The following KSR2 variants were observed in gnomAD, a reference collection of about 807,000 sequenced individuals.
The protein encoded by KSR2 is kinase suppressor of ras 2.
A neutral mutation model predicts 107.8 loss-of-function variants in KSR2; 25 were observed. The ratio of observed to expected loss-of-function variants is 0.23; its 90% CI spans 0.17 to 0.32. The LOEUF is 0.32. KSR2 is among the 10% of genes least tolerant of loss of function. KSR2 has a pLI of 1.00. For missense variants in KSR2, 887 were observed against 1,268.9 expected (o/e 0.70, Z 4.57); for synonymous variants, 480 against 507.0 (o/e 0.95, Z 0.71).
At chr12:117,965,660 T>C (rs1260774421) in intron 1 of KSR2, among the ~76,000 whole-genome samples, 1 of 152,224 alleles carries the variant, frequency 6.6e-6, no homozygotes, top group African/African-American at 2.4e-5. Flanking sequence ...AGCTGAAATA[T>C]CACATCTTTC....
intron 1 of KSR2, among the ~76,000 whole-genome samples, chr12:117,930,929 C>CAAAT (rs908560559): frequency 1.3e-5 from 2 of 152,036 alleles, no homozygotes; most frequent in African/African-American, 2.4e-5. Flanking sequence ...AACAAACAAA[C>CAAAT]AAATAAATAA....
chr12:117,826,024 G>T (rs494773), intron 3 of KSR2, among the ~76,000 whole-genome samples: 99,667 of 149,862 alleles, frequency 0.67, 33,910 homozygotes, highest in African/African-American at 0.8. Flanking sequence ...GATGCATGGA[G>T]GGATGGATGG....
chr12:117,957,378 T>A lies in KSR2; in HGVS notation c.180+10698A>T, dbSNP rs578241809. 1.2e-4 allele frequency among the ~76,000 whole-genome samples: 19 copies of A among 152,318 alleles called. 1 individual carries two copies. In the South Asian group the frequency reaches 3.7e-3, roughly 30 times the overall value. ...GAAGCCCTGCTGAAGAAAATCGTTC[T>A]ATTTTTTTACTTTCTTCTCCTATTT... On this transcript the variant is annotated intron_variant, in intron 1 of 19. Transcript: ENST00000339824.
At chr12:117,937,911 G>T (rs1895894283) in intron 1 of KSR2, among the ~76,000 whole-genome samples, 1 of 147,434 alleles carries the variant, frequency 6.8e-6, no homozygotes, top group Non-Finnish European at 1.5e-5. Context: ...AGAGGTTGCA[G>T]TGAGCCAAGA....
rs919170483 is a variant in KSR2, at chr12:117,453,418, CT to C, written c.*13780del. 6.6e-6 allele frequency: 1 copy of C among 152,518 alleles called. No individual in the cohort carries two copies. The highest frequency in any genetic ancestry group is 2.4e-5 in the African/African-American group (1 of 41,396). 9.4% of individuals were successfully genotyped at this position (152,518 alleles called of 1,614,324 possible). ...CCCCCAAAAGAAAACATGAAACCAC[CT>C]TCTTACATCAACTCACTCTGCAACA... On this transcript the variant is annotated 3_prime_UTR_variant, in exon 20 of 20. Transcript: ENST00000339824.
At chr12:117,912,949 G>A (rs527874415) in intron 1 of KSR2, among the ~76,000 whole-genome samples, 56 of 152,192 alleles carry the variant, frequency 3.7e-4, no homozygotes, top group Non-Finnish European at 8.2e-4. Flanking sequence ...CCTCAGGGCA[G>A]ACACTGTTTC....
chr12:117,594,023 C>A (rs901087407), intron 5 of KSR2, among the ~76,000 whole-genome samples: 2 of 152,218 alleles, frequency 1.3e-5, no homozygotes, highest in Non-Finnish European at 2.9e-5. Context: ...TCACACACTA[C>A]ATCATCAATT....
intron 1 of KSR2, among the ~76,000 whole-genome samples, chr12:117,860,780 G>A (rs776951166): frequency 2.0e-5 from 3 of 152,130 alleles, no homozygotes; most frequent in Admixed American, 6.5e-5. Context: ...GTGCAATGGC[G>A]TGATCTCTGC....
intron 3 of KSR2, among the ~76,000 whole-genome samples, chr12:117,833,416 G>A (rs1892061001): frequency 6.6e-6 from 1 of 152,140 alleles, no homozygotes; most frequent in Non-Finnish European, 1.5e-5. Context: ...AGGCAGGAGT[G>A]CAGTGGCATG....
intron 1 of KSR2, among the ~76,000 whole-genome samples, chr12:117,935,616 C>A (rs1895813900): frequency 6.6e-6 from 1 of 152,024 alleles, no homozygotes; most frequent in Non-Finnish European, 1.5e-5. Flanking sequence ...CAAAAGTTAG[C>A]CGGTCGTAGT....
intron 14 of KSR2, among the ~76,000 whole-genome samples, chr12:117,492,215 G>T (rs1872783157): frequency 6.6e-6 from 1 of 152,180 alleles, no homozygotes; most frequent in Non-Finnish European, 1.5e-5. Context: ...GGCTAAGATG[G>T]CACTGTGGGT....
At chr12:117,473,157 A>G (rs905685247) in intron 17 of KSR2, among the ~76,000 whole-genome samples, 3 of 152,058 alleles carry the variant, frequency 2.0e-5, no homozygotes, top group African/African-American at 7.2e-5. Context: ...GGCTCTTCCC[A>G]ACGTTTTCCT....
At chr12:117,685,875 G>A (rs1437502886) in intron 4 of KSR2, among the ~76,000 whole-genome samples, 1 of 151,244 alleles carries the variant, frequency 6.6e-6, no homozygotes, top group Non-Finnish European at 1.5e-5. Flanking sequence ...AAGTTACCTT[G>A]GATTTTAATG....
intron 1 of KSR2, among the ~76,000 whole-genome samples, chr12:117,943,269 T>G (rs2893751): frequency 0.1 from 15,608 of 152,148 alleles, 1,049 homozygotes; most frequent in Admixed American, 0.16. Flanking sequence ...ATTTTCTCCA[T>G]TTCTGAAATT....
chr12:117,942,742 C>T (rs1372221757), intron 1 of KSR2, among the ~76,000 whole-genome samples: 3 of 151,810 alleles, frequency 2.0e-5, no homozygotes, highest in African/African-American at 7.3e-5. Context: ...TCAAGCAATC[C>T]TTCCGCCTTG....
intron 7 of KSR2, among the ~76,000 whole-genome samples, chr12:117,576,273 C>A (rs200688772): frequency 6.6e-6 from 1 of 152,122 alleles, no homozygotes. Context: ...ATTACCCCCA[C>A]GGAATGTGGT....
chr12:117,900,231 C>T (rs948860530), intron 1 of KSR2, among the ~76,000 whole-genome samples: 1 of 152,230 alleles, frequency 6.6e-6, no homozygotes, highest in African/African-American at 2.4e-5. Flanking sequence ...GACTCATTGA[C>T]TGTTACTCAA....
At chr12:117,845,482 G>A (rs150289586) in intron 3 of KSR2, among the ~76,000 whole-genome samples, 1 of 152,156 alleles carries the variant, frequency 6.6e-6, no homozygotes, top group African/African-American at 2.4e-5. Flanking sequence ...GTCAGTTTCA[G>A]TGTGAACTTG....
At chr12:117,798,247 C>T (rs2137010619) in intron 3 of KSR2, among the ~76,000 whole-genome samples, 1 of 152,310 alleles carries the variant, frequency 6.6e-6, no homozygotes, top group East Asian at 1.9e-4. Flanking sequence ...GCCAGCTACT[C>T]AGTCTCTCAT....
Sources: allele counts gnomAD v4.1 joint callset (sites outside exome capture counted in the v4.1 genomes callset), GRCh38; gene constraint gnomAD v4.1.1; transcripts MANE v1.5; gene names NCBI Gene and HGNC (gene_info 2026-07-23, HGNC 2026-07-21).